Variants in RBM5 observed in about 807,000 individuals in gnomAD.
RBM5 encodes RNA binding motif protein 5.
RBM5 carries 15 observed loss-of-function variants against 124.6 expected under a neutral mutation model. The observed-to-expected ratio is 0.12, with a 90% CI of 0.08 to 0.19. The LOEUF (loss-of-function observed/expected upper bound fraction) is 0.19. Ranked by LOEUF, RBM5 falls within the 10% of genes least tolerant of loss-of-function variation. The pLI is 1.00. For synonymous variants in RBM5, 337 were observed against 361.2 expected (o/e 0.93, Z 0.76); for missense variants, 580 against 1,026.5 (o/e 0.57, Z 5.94).
rs199805825 is a variant in RBM5, at chr3:50,109,589, G to A, written c.1193-14G>A. On this transcript the variant is annotated splice_polypyrimidine_tract_variant and intron_variant, in intron 14 of 24. Transcript: ENST00000347869. ...AGTGCCTTGGCTTTCCCTAACACTT[G>A]TGTTTATCATCAGGCACAGCAGTGA... The A allele has an allele frequency of 3.7e-6, 6 of 1,610,834 alleles. No individual in the cohort carries two copies. In the African/African-American group the frequency reaches 6.7e-5, roughly 18 times the overall value.
At chr3:50,109,994 C>T (rs1024974296) in intron 15 of RBM5, among the ~76,000 whole-genome samples, 2 of 152,110 alleles carry the variant, frequency 1.3e-5, no homozygotes, top group African/African-American at 4.8e-5. Context: ...GGGTGGATCA[C>T]GAGGTTAGGA....
chr3:50,095,319 C>G (rs1329197252), intron 4 of RBM5, among the ~76,000 whole-genome samples: 2 of 152,128 alleles, frequency 1.3e-5, no homozygotes, highest in Non-Finnish European at 2.9e-5. Flanking sequence ...AGAAGATAAT[C>G]AATATATTTT....
At chr3:50,095,662 C>T (rs1014627956) in intron 4 of RBM5, among the ~76,000 whole-genome samples, 2 of 151,828 alleles carry the variant, frequency 1.3e-5, no homozygotes, top group African/African-American at 2.4e-5. Context: ...GGCAGAGCTT[C>T]TTCTTCGTTA....
Position 50,110,403 on chromosome 3 carries a change from A to G in RBM5, c.1303A>G (p.Ser435Gly). ...GACTGAGGAAGCACAGCCTAGCACT[A>G]GCACAAGTACACAGGCCCCAGCCGC... is the stretch of plus-strand genomic sequence containing the variant. ...SPTEEAQPST[S>G]TSTQAPAASP... is the part of the protein sequence containing the mutation. The change falls in exon 16 of 25, where the codon AGC becomes GGC. Residue 435 changes from serine to glycine, a missense_variant. By Grantham distance (56) the Ser-to-Gly change is moderately conservative. Transcript: ENST00000347869. 6.2e-7 allele frequency: 1 copy of G among 1,614,216 alleles called. No individual in the cohort carries two copies. The highest frequency in any genetic ancestry group is 1.1e-5 in the South Asian group (1 of 91,074).
At position 50,115,964 on chromosome 3, in the gene RBM5, A is replaced by T. The variant is rs1251527989; in HGVS notation, c.2078A>T (p.Glu693Val). 13 of 1,613,372 alleles carry T rather than the reference A, an allele frequency of 8.1e-6. 1 individual carries two copies. The South Asian group carries it at 1.2e-4, about 15-fold the overall frequency. Reference sequence around the variant, plus strand: ...AGCGAGCAGGAGCTGGAAGCCTTGGAGCTAAGGGAGAGAGAGGTGAATGGG... The same window carrying T: ...AGCGAGCAGGAGCTGGAAGCCTTGGTGCTAAGGGAGAGAGAGGTGAATGGG... ...RLSEQELEALELREREMKYRD... is the reference protein window; with the variant it reads ...RLSEQELEALVLREREMKYRD... Residue 693 changes from glutamate (E) to valine (V), a missense_variant, in exon 22 of 25, where the codon GAG becomes GTG. Physicochemically the swap from Glu to Val is moderately radical, Grantham distance 121. Around this residue, in one of 6 missense-constraint regions of RBM5, gnomAD observed 234 missense variants for 435.1 expected, o/e 0.54. Coordinates refer to ENST00000347869, the MANE Select transcript of RBM5 (RefSeq NM_005778.4).
At position 50,117,650 on chromosome 3, in the gene RBM5, G is replaced by A. The variant is rs1014073683; in HGVS notation, c.2322+271G>A. On this transcript the variant is annotated intron_variant, in intron 24 of 24. Transcript: ENST00000347869. The surrounding 1 kb of genome is among the most constrained non-coding windows in gnomAD (Gnocchi z 4.2). The stretch of plus-strand genomic sequence containing the variant: ...CAAAATATTAACTGGACGTGGCAGC[G>A]TGTGCCTGTAATCCCAGCTAGTCAG... The A allele has an allele frequency of 2.0e-5, 6 of 298,728 alleles. No homozygotes were observed. Among genetic ancestry groups the A allele is most frequent in the African/African-American group, 6.4e-5 (3 of 47,070 alleles). 18.5% of individuals were successfully genotyped at this position (298,728 alleles called of 1,614,324 possible).
rs905270750 is a variant in RBM5, at chr3:50,117,910, G to C, written c.2323-421G>C. On this transcript the variant is annotated intron_variant, in intron 24 of 24. Coordinates refer to ENST00000347869, the MANE Select transcript of RBM5 (RefSeq NM_005778.4). The surrounding 1 kb of genome is among the most constrained non-coding windows in gnomAD (Gnocchi z 4.2). ...GGCCTTCTAGGCAGGAGCTCCACCCGTAATTGCCCCTGCTCTGTCCTGGGA... is the reference window on the plus strand; with the variant it reads ...GGCCTTCTAGGCAGGAGCTCCACCCCTAATTGCCCCTGCTCTGTCCTGGGA... The C allele has an allele frequency of 5.5e-6, 1 of 181,186 alleles. No individual in the cohort carries two copies. Among genetic ancestry groups the C allele is most frequent in the Non-Finnish European group, 1.2e-5 (1 of 85,342 alleles). 11.2% of individuals were successfully genotyped at this position (181,186 alleles called of 1,614,324 possible).
At position 50,100,841 on chromosome 3, in the gene RBM5, TAC is replaced by T; in HGVS notation, c.483+237_483+238del. On this transcript the variant is annotated intron_variant, in intron 6 of 24. Coordinates refer to ENST00000347869, the MANE Select transcript of RBM5 (RefSeq NM_005778.4). This position sits in a 1 kb window ranked among gnomAD's most constrained non-coding sequence, Gnocchi z 5.1. ...TGGCAGGGCTTTGTTAACTACTGAA[TAC>T]CTGTCTGGTAATCACTAAAACATCT... 2.3e-6 allele frequency: 1 copy of T among 427,556 alleles called. No individual in the cohort carries two copies. 26.5% of individuals were successfully genotyped at this position (427,556 alleles called of 1,614,324 possible). A position where few individuals can be genotyped will look rare whatever the true frequency, so the allele number is the denominator to read the frequency against.
intron 15 of RBM5, among the ~76,000 whole-genome samples, chr3:50,110,103 C>T (rs975921819): frequency 5.9e-5 from 9 of 152,034 alleles, no homozygotes; most frequent in African/African-American, 2.4e-5. Flanking sequence ...CCCAGCTACT[C>T]GGGAGGCTGA....
chr3:50,111,267 A>G (rs753106920), intron 17 of RBM5, among the ~76,000 whole-genome samples: 10 of 152,194 alleles, frequency 6.6e-5, no homozygotes, highest in Non-Finnish European at 1.5e-4. Context: ...CTTTTAATAT[A>G]TTCACAGTGT....
intron 17 of RBM5, among the ~76,000 whole-genome samples, chr3:50,111,752 C>T (rs1442689653): frequency 1.3e-5 from 2 of 152,104 alleles, no homozygotes; most frequent in Non-Finnish European, 2.9e-5. Flanking sequence ...CTTTGCCTCC[C>T]TGTGTATTCT....
Position 50,104,323 on chromosome 3 carries a change from A to G in RBM5, c.628+15A>G, listed in dbSNP as rs2090993494. ...AGACAAGTTTGGTAAGACTGGATTC[A>G]GCTGTTTGCAATATGCATTAAAACC... On this transcript the variant is annotated intron_variant, in intron 8 of 24. Coordinates refer to ENST00000347869, the MANE Select transcript of RBM5 (RefSeq NM_005778.4). 1.2e-6 allele frequency: 2 copies of G among 1,612,574 alleles called. No homozygotes were observed. The highest frequency in any genetic ancestry group is 1.7e-6 in the Non-Finnish European group (2 of 1,178,728).
chr3:50,100,143 C>A lies in RBM5; in HGVS notation c.409+92C>A. 8.8e-7 allele frequency: 1 copy of A among 1,137,828 alleles called. No individual in the cohort carries two copies. Among genetic ancestry groups the A allele is most frequent in the Non-Finnish European group, 1.3e-6 (1 of 784,496 alleles). The allele number at this position is 1,137,828 out of a possible 1,614,324, so 70.5% of individuals were successfully genotyped here. A position where few individuals can be genotyped will look rare whatever the true frequency, so the allele number is the denominator to read the frequency against. On this transcript the variant is annotated intron_variant, in intron 5 of 24. Coordinates refer to ENST00000347869, the MANE Select transcript of RBM5 (RefSeq NM_005778.4). This position sits in a 1 kb window ranked among gnomAD's most constrained non-coding sequence, Gnocchi z 5.1. ...CATCCTGATTCCCCCAGTCTTCAAG[C>A]ACATGAATTCAGAATGAAAGGTTTG...
chr3:50,108,404 C>A, intron 14 of RBM5, 100 bp downstream of exon 14: 1 of 1,210,870 alleles, frequency 8.3e-7, no homozygotes, highest in Non-Finnish European at 1.2e-6. Context: ...AAGTCCATTT[C>A]TCTGTAAGAT....
chr3:50,109,598 A>G lies in RBM5; in HGVS notation c.1193-5A>G. ...GCTTTCCCTAACACTTGTGTTTATC[A>G]TCAGGCACAGCAGTGACCACCACCT... On this transcript the variant is annotated splice_region_variant and splice_polypyrimidine_tract_variant and intron_variant, in intron 14 of 24. Coordinates refer to ENST00000347869, the MANE Select transcript of RBM5 (RefSeq NM_005778.4). 1 of 1,613,286 alleles carries G rather than the reference A, an allele frequency of 6.2e-7. No homozygotes were observed. Among genetic ancestry groups the G allele is most frequent in the Non-Finnish European group, 8.5e-7 (1 of 1,179,280 alleles).
At chr3:50,107,387 C>G in intron 11 of RBM5, 95 bp from the exon 12 acceptor site, 1 of 1,022,258 alleles carries the variant, frequency 9.8e-7, no homozygotes. Flanking sequence ...CATTTGAGAA[C>G]TGACAAAGGG....
intron 21 of RBM5, 68 bp from the exon 22 acceptor site, chr3:50,115,838 C>T: frequency 7.1e-7 from 1 of 1,416,926 alleles, no homozygotes; most frequent in Non-Finnish European, 1.0e-6. Context: ...GTAGATGTTA[C>T]TAATGTTAGG....
rs1211991635 is a variant in RBM5 at position 50,110,357 on chromosome 3, T to C, written c.1279-22T>C. The C allele has an allele frequency of 2.5e-6, 4 of 1,608,638 alleles. No homozygotes were observed. The African/African-American group carries it at 4.0e-5, about 16-fold the overall frequency. On this transcript the variant is annotated intron_variant, in intron 15 of 24. Coordinates refer to ENST00000347869, the MANE Select transcript of RBM5 (RefSeq NM_005778.4). ...AAAAGGCTTTACAGTTGAAATTATATTGAAGCTGCTGTTCTTTCCAGACTG... is the reference window on the plus strand; with the variant it reads ...AAAAGGCTTTACAGTTGAAATTATACTGAAGCTGCTGTTCTTTCCAGACTG...
At position 50,117,462 on chromosome 3, in the gene RBM5, G is replaced by A. The variant is rs573350889; in HGVS notation, c.2322+83G>A. On this transcript the variant is annotated intron_variant, in intron 24 of 24. Coordinates refer to ENST00000347869, the MANE Select transcript of RBM5 (RefSeq NM_005778.4). The surrounding 1 kb of genome is among the most constrained non-coding windows in gnomAD (Gnocchi z 4.2). The stretch of plus-strand genomic sequence containing the variant: ...GAGATCAGAGCACTCATAGAGCCTG[G>A]GAGCCAGGAGCAGCTTTACCTTAGC... The A allele has an allele frequency of 1.5e-5, 23 of 1,565,042 alleles. No individual in the cohort carries two copies. In the East Asian group the frequency reaches 2.3e-4, roughly 15 times the overall value.
Sources: gnomAD v4.1 joint callset for allele counts (sites outside exome capture counted in the v4.1 genomes callset) on GRCh38, gnomAD v4.1.1 for gene constraint, gnomAD v4.1.1 regional missense constraint, Gnocchi (gnomAD v3.1) non-coding constraint, MANE v1.5 for transcripts, NCBI Gene and HGNC (gene_info 2026-07-23, HGNC 2026-07-21) for gene names.